RNF25: variants seen among roughly 807,000 people sequenced by gnomAD.
The protein encoded by RNF25 is E3 ubiquitin-protein ligase RNF25.
RNF25 carries 32 observed loss-of-function variants against 65.0 expected under a neutral mutation model. The observed-to-expected ratio is 0.49, with a 90% CI of 0.37 to 0.66. The LOEUF is 0.66. RNF25 is among the 30% of genes least tolerant of loss of function. The pLI, the probability that RNF25 is intolerant of heterozygous loss-of-function variation, is 0.00. For synonymous variants in RNF25, 207 were observed against 221.2 expected (o/e 0.94, Z 0.57); for missense variants, 493 against 584.8 (o/e 0.84, Z 1.62).
At chr2:218,666,800 T>G (rs1939834343) in intron 5 of RNF25, among the ~76,000 whole-genome samples, 1 of 152,216 alleles carries the variant, frequency 6.6e-6, no homozygotes, top group Admixed American at 6.5e-5. Flanking sequence ...ACTGCTACGG[T>G]GGCCTATCAA....
Position 218,663,948 on chromosome 2 carries a change from C to A in RNF25, c.*9G>T. The A allele has an allele frequency of 7.0e-7, 1 of 1,432,068 alleles. No individual in the cohort carries two copies. Among genetic ancestry groups the A allele is most frequent in the South Asian group, 1.9e-5 (1 of 52,672 alleles). 88.7% of individuals were successfully genotyped at this position (1,432,068 alleles called of 1,614,324 possible). A position where few individuals can be genotyped will look rare whatever the true frequency, so the allele number is the denominator to read the frequency against. ...ATCCCCAATTCCCTGTTCCCCCCAC[C>A]AAGTCCTGCTAGGAACCATCCTTAG... On this transcript the variant is annotated 3_prime_UTR_variant, in exon 10 of 10. Transcript: ENST00000295704.
intron 7 of RNF25, 67 bp downstream of exon 7, chr2:218,665,849 A>T: frequency 6.4e-7 from 1 of 1,554,294 alleles, no homozygotes; most frequent in South Asian, 1.2e-5. Flanking sequence ...GAGTGGAGAG[A>T]TGGAAAAGTT....
chr2:218,670,330 G>A (rs1437135617), intron 1 of RNF25, among the ~76,000 whole-genome samples: 1 of 151,972 alleles, frequency 6.6e-6, no homozygotes, highest in African/African-American at 2.4e-5. Context: ...TCAGTCAAGT[G>A]GCCCTTCAAT....
chr2:218,668,786 C>T, intron 1 of RNF25, 107 bp from the exon 2 acceptor site: 1 of 772,684 alleles, frequency 1.3e-6, no homozygotes, highest in Non-Finnish European at 2.3e-6. Flanking sequence ...TACCAGAATG[C>T]ATTCTCCTGC....
At chr2:218,668,386 C>G in intron 2 of RNF25, 45 bp from the exon 3 acceptor site, 6 of 725,864 alleles carry the variant, frequency 8.3e-6, no homozygotes, top group Non-Finnish European at 1.1e-5. Context: ...TGGGTAGGGG[C>G]TTGGGGGCTG....
chr2:218,671,862 C>A, intron 1 of RNF25, 68 bp downstream of exon 1: 2 of 1,580,466 alleles, frequency 1.3e-6, no homozygotes, highest in East Asian at 4.5e-5. Context: ...TACGGACCGT[C>A]TGCGACAGCT....
At chr2:218,669,431 C>G (rs1939901702) in intron 1 of RNF25, among the ~76,000 whole-genome samples, 1 of 152,160 alleles carries the variant, frequency 6.6e-6, no homozygotes. Flanking sequence ...TAGTCTACGT[C>G]CTCTTTTTTT....
At chr2:218,668,742 C>A in intron 1 of RNF25, 63 bp from the exon 2 acceptor site, 1 of 1,130,254 alleles carries the variant, frequency 8.8e-7, no homozygotes, top group South Asian at 1.3e-5. Flanking sequence ...CTGCTAAGGC[C>A]AATAAAGGCA....
Position 218,663,989 on chromosome 2 carries a change from A to G in RNF25, c.1348T>C (p.Ser450Pro). The G allele has an allele frequency of 2.1e-6, 3 of 1,452,822 alleles. No individual in the cohort carries two copies. Among genetic ancestry groups the G allele is most frequent in the Non-Finnish European group, 1.8e-6 (2 of 1,100,300 alleles). 90.0% of individuals were successfully genotyped at this position (1,452,822 alleles called of 1,614,324 possible). The change falls in exon 10 of 10, where the codon TCC (serine) becomes CCC (proline). Residue 450 changes from serine to proline, a missense_variant. Ser to Pro is a moderately conservative substitution (Grantham distance 74). This residue lies in a region of RNF25 where 351 missense variants were observed against 400.2 expected (regional missense o/e 0.88). Transcript: ENST00000295704. ...CCATCCTTAGATTCCAGGCCCAGGG[A>G]CTCCCTCCGAGTACCAGGCCGGTAT... is the stretch of plus-strand genomic sequence containing the variant. ...GAYRPGTRRE[S>P]LGLESKDGS
chr2:218,664,517 G>C lies in RNF25; in HGVS notation c.820C>G (p.Pro274Ala). The C allele has an allele frequency of 6.2e-7, 1 of 1,613,256 alleles. No individual in the cohort carries two copies. Among genetic ancestry groups the C allele is most frequent in the Non-Finnish European group, 8.5e-7 (1 of 1,179,584 alleles). Reference protein sequence around the residue: ...SLQQPPAPAEPESAVDVSKGS... With the variant: ...SLQQPPAPAEAESAVDVSKGS... ...TTGGAGACATCTACAGCTGACTCAG[G>C]TTCCGCAGGGGCAGGAGGCTAGAAA... Residue 274 changes from proline to alanine, a missense_variant, in exon 10 of 10, where the codon CCT becomes GCT. Coordinates refer to ENST00000295704, the MANE Select transcript of RNF25 (RefSeq NM_022453.3). The surrounding 1 kb of genome is among the most constrained non-coding windows in gnomAD (Gnocchi z 5.1).
At chr2:218,665,742 CAAA>C (rs149931732) in intron 7 of RNF25, among the ~76,000 whole-genome samples, 171 bp downstream of exon 7, 2 of 83,354 alleles carry the variant, frequency 2.4e-5, no homozygotes. Flanking sequence ...GACTCCATCT[CAAA>C]AAAAAAAAAA....
At chr2:218,669,328 T>C (rs1939899809) in intron 1 of RNF25, among the ~76,000 whole-genome samples, 1 of 152,212 alleles carries the variant, frequency 6.6e-6, no homozygotes, top group African/African-American at 2.4e-5. Context: ...GTCTGTCACA[T>C]ATAGATAATA....
rs778641818 is a variant in RNF25, at chr2:218,664,691, T to C, written c.801+48A>G. ...TGGGGCCATGGCTGATTGGGGTTTG[T>C]AGAAAGGTTGGTGGCATTACAGGAC... On this transcript the variant is annotated intron_variant, in intron 9 of 9. Transcript: ENST00000295704. The surrounding 1 kb of genome is among the most constrained non-coding windows in gnomAD (Gnocchi z 5.1). 13 of 1,612,330 alleles carry C rather than the reference T, an allele frequency of 8.1e-6. No homozygotes were observed. The South Asian group carries it at 1.2e-4, about 15-fold the overall frequency.
intron 5 of RNF25, 61 bp from the exon 6 acceptor site, chr2:218,666,291 CTACT>C: frequency 3.0e-6 from 4 of 1,351,200 alleles, no homozygotes; most frequent in African/African-American, 1.4e-5. Context: ...CAAGGCCTGT[CTACT>C]ACTCCTAGGA....
intron 1 of RNF25, among the ~76,000 whole-genome samples, chr2:218,671,178 C>T (rs1939957879): frequency 6.6e-6 from 1 of 151,922 alleles, no homozygotes; most frequent in Non-Finnish European, 1.5e-5. Flanking sequence ...TCTCAAAAAA[C>T]AAAACAAAAC....
intron 1 of RNF25, among the ~76,000 whole-genome samples, chr2:218,671,449 T>C (rs79735508): frequency 3.3e-3 from 507 of 152,182 alleles, no homozygotes; most frequent in African/African-American, 0.011. Context: ...TTATATGAAG[T>C]GTAAAGCTTT....
chr2:218,671,173 A>AAAAAC lies in RNF25; in HGVS notation c.41+752_41+756dup, dbSNP rs576905404. On this transcript the variant is annotated intron_variant, in intron 1 of 9. Coordinates refer to ENST00000295704, the MANE Select transcript of RNF25 (RefSeq NM_022453.3). Reference sequence around the variant, plus strand: ...TGGGCGAGAGTGAGACTCTGTCTCAAAAAACAAAACAAAACAAAACAAAAA... The same window carrying AAAAAC: ...TGGGCGAGAGTGAGACTCTGTCTCAAAAAACAAAACAAAACAAAACAAAACAAAAA... Among the ~76,000 whole-genome samples, 304 of 152,334 alleles carry AAAAAC rather than the reference A, an allele frequency of 2.0e-3. 7 individuals are homozygous for AAAAAC. In the South Asian group the frequency reaches 0.049, roughly 24 times the overall value.
chr2:218,664,596 G>A lies in RNF25; in HGVS notation c.802-61C>T. 6.3e-7 allele frequency: 1 copy of A among 1,576,034 alleles called. No homozygotes were observed. Among genetic ancestry groups the A allele is most frequent in the Non-Finnish European group, 8.7e-7 (1 of 1,154,664 alleles). ...CAGTTCCTCAAGGTGGGGAACTACA[G>A]GCCCCTCTCCTACTATCTGGGCTGA... On this transcript the variant is annotated intron_variant, in intron 9 of 9. Coordinates refer to ENST00000295704, the MANE Select transcript of RNF25 (RefSeq NM_022453.3). The surrounding 1 kb of genome is among the most constrained non-coding windows in gnomAD (Gnocchi z 5.1).
In RNF25 at chr2:218,671,941, C is replaced by A; in HGVS notation, c.30G>T (p.Gly10=). 1 of 1,614,246 alleles carries A rather than the reference C, an allele frequency of 6.2e-7. No individual in the cohort carries two copies. The highest frequency in any genetic ancestry group is 8.5e-7 in the Non-Finnish European group (1 of 1,180,044). The change falls in exon 1 of 10, where the codon GGG becomes GGT. Residue 10 remains glycine, a synonymous_variant. Transcript: ENST00000295704. ...GCCCCCAAAGTTACCAGTCCTCCTC[C>A]CCTGCAGCTGCAGACGCAGACGCCG... MAASASAAA[G]EEDWVLPSEV... is the part of the protein sequence containing the mutation.
Sources: allele counts gnomAD v4.1 joint callset (sites outside exome capture counted in the v4.1 genomes callset), GRCh38; gene constraint gnomAD v4.1.1; regional missense constraint gnomAD v4.1.1; non-coding constraint Gnocchi (gnomAD v3.1); transcripts MANE v1.5; gene names NCBI Gene and HGNC (gene_info 2026-07-23, HGNC 2026-07-21).